The following ZNF469 variants were observed in gnomAD, a reference collection of about 807,000 sequenced individuals.
The protein encoded by ZNF469 is zinc finger protein 469.
A neutral mutation model predicts 1.0 loss-of-function variants in ZNF469; 1 was observed. The ratio of observed to expected loss-of-function variants is 1.00; its 90% CI spans 0.35 to 4.73. ZNF469 has a LOEUF of 4.73. Among genes scored for constraint, ZNF469 ranks in the 30% most tolerant of loss-of-function variants. The pLI is 0.16. For synonymous variants in ZNF469, 2,703 were observed against 2,363.4 expected (o/e 1.14, Z -4.17); for missense variants, 6,100 against 5,356.3 (o/e 1.14, Z -4.33).
At chr16:88,257,317 C>A in the ZNF469 span, among the ~76,000 whole-genome samples, 2 of 143,192 alleles carry the variant, frequency 1.4e-5, no homozygotes, top group African/African-American at 4.9e-5. Context: ...TTTGGTGAGG[C>A]GTCATTTAAG....
At chr16:88,363,499 C>G in the ZNF469 span, among the ~76,000 whole-genome samples, 1 of 152,224 alleles carries the variant, frequency 6.6e-6, no homozygotes, top group East Asian at 1.9e-4. Context: ...GGGGTCTACC[C>G]CATGCATGTG....
At chr16:88,349,774 A>AAC in the ZNF469 span, among the ~76,000 whole-genome samples, 1 of 25,560 alleles carries the variant, frequency 3.9e-5, no homozygotes, top group East Asian at 1.2e-3. Flanking sequence ...AATACACACC[A>AAC]ACACAAGTGC....
At chr16:88,316,545 C>CTTT in the ZNF469 span, among the ~76,000 whole-genome samples, 3 of 101,012 alleles carry the variant, frequency 3.0e-5, no homozygotes, top group African/African-American at 8.4e-5. Flanking sequence ...TAGGTGCTGT[C>CTTT]TTTTTTTTTT....
the ZNF469 span, among the ~76,000 whole-genome samples, chr16:88,146,259 C>T: frequency 5.9e-5 from 9 of 152,226 alleles, no homozygotes; most frequent in African/African-American, 1.4e-4. Flanking sequence ...GTGCTCTGGC[C>T]GTGGCGGGGG....
the ZNF469 span, among the ~76,000 whole-genome samples, chr16:88,291,465 G>A: frequency 5.9e-5 from 9 of 152,332 alleles, no homozygotes; most frequent in East Asian, 1.7e-3. Context: ...AAGTCCTGCT[G>A]CCGGGGAGGC....
the ZNF469 span, among the ~76,000 whole-genome samples, chr16:88,120,131 C>T: frequency 1.3e-5 from 2 of 152,204 alleles, no homozygotes; most frequent in South Asian, 4.1e-4. Context: ...GAGGGGGAGG[C>T]ATCGCCCCTG....
chr16:88,348,383 A>G, the ZNF469 span, among the ~76,000 whole-genome samples: 1 of 151,650 alleles, frequency 6.6e-6, no homozygotes, highest in African/African-American at 2.4e-5. Flanking sequence ...GCCCCACCCC[A>G]CTCCTGTGCG....
chr16:88,340,625 G>A, the ZNF469 span, among the ~76,000 whole-genome samples: 14 of 152,128 alleles, frequency 9.2e-5, no homozygotes, highest in Non-Finnish European at 1.8e-4. Context: ...CTGAGGCCCA[G>A]AGGGAGGAAG....
chr16:88,296,612 G>A, the ZNF469 span, among the ~76,000 whole-genome samples: 21 of 151,354 alleles, frequency 1.4e-4, no homozygotes, highest in Middle Eastern at 3.4e-3. Context: ...TCACAGACAT[G>A]CTCACACTCA....
chr16:88,191,590 C>T, the ZNF469 span: 1 of 152,306 alleles, frequency 6.6e-6, no homozygotes, highest in Non-Finnish European at 1.5e-5. Flanking sequence ...GCCCTGAGGG[C>T]AGGAGAAAAG....
the ZNF469 span, among the ~76,000 whole-genome samples, chr16:88,130,275 C>T: frequency 1.3e-5 from 2 of 152,152 alleles, no homozygotes; most frequent in African/African-American, 4.8e-5. Flanking sequence ...AGAGGTCTCG[C>T]TGTATGCTCT....
the ZNF469 span, among the ~76,000 whole-genome samples, chr16:88,115,933 C>T: frequency 0.051 from 7,735 of 152,308 alleles, 323 homozygotes; most frequent in Admixed American, 0.12. Context: ...GCAAACCCTG[C>T]CCCGCCCATC....
chr16:88,121,175 G>A, the ZNF469 span, among the ~76,000 whole-genome samples: 2 of 20,198 alleles, frequency 9.9e-5, no homozygotes, highest in African/African-American at 3.4e-4. Flanking sequence ...TGTGGGGTGG[G>A]GGTTGGGGGG....
At position 88,430,435 on chromosome 16, in the gene ZNF469, C is replaced by T; in HGVS notation, c.2965C>T (p.Arg989Trp). 2 of 1,512,772 alleles carry T rather than the reference C, an allele frequency of 1.3e-6. No homozygotes were observed. Among genetic ancestry groups the T allele is most frequent in the South Asian group, 1.2e-5 (1 of 81,830 alleles). 93.7% of individuals were successfully genotyped at this position (1,512,772 alleles called of 1,614,324 possible). ...CCGGAGGAACGACGGTCTCGGGGAG[C>T]GGCCCCCACCCCGTCCCCGGCGCCC... ...RPRRNDGLGERPPPRPRRPRT... is the reference protein window; with the variant it reads ...RPRRNDGLGEWPPPRPRRPRT... Residue 989 changes from arginine to tryptophan, a missense_variant, in exon 3 of 3, where the codon CGG becomes TGG. Arg to Trp is a moderately radical substitution (Grantham distance 101). Transcript: ENST00000565624.
chr16:88,211,113 T>A, the ZNF469 span, among the ~76,000 whole-genome samples: 1 of 152,256 alleles, frequency 6.6e-6, no homozygotes, highest in East Asian at 1.9e-4. Flanking sequence ...AAATAGTTTT[T>A]CCCCGCATTC....
the ZNF469 span, among the ~76,000 whole-genome samples, chr16:88,351,305 G>A: frequency 6.6e-6 from 1 of 152,168 alleles, no homozygotes; most frequent in Non-Finnish European, 1.5e-5. Flanking sequence ...GCCATACAAT[G>A]AGGACGTTAA....
At chr16:88,187,653 A>T in the ZNF469 span, among the ~76,000 whole-genome samples, 3 of 151,874 alleles carry the variant, frequency 2.0e-5, no homozygotes, top group African/African-American at 7.3e-5. Context: ...ACGCTGGAAG[A>T]ATCCCAAATG....
intron 1 of ZNF469, among the ~76,000 whole-genome samples, chr16:88,407,508 C>T (rs985549065): frequency 4.6e-5 from 7 of 152,246 alleles, no homozygotes; most frequent in African/African-American, 1.7e-4. Flanking sequence ...AGGTGTCGGA[C>T]ACCGAACGAG....
chr16:88,176,555 C>A, the ZNF469 span, among the ~76,000 whole-genome samples: 8 of 152,230 alleles, frequency 5.3e-5, no homozygotes, highest in African/African-American at 1.4e-4. Context: ...TGGCGGCCTC[C>A]ACACACCACC....
Sources: allele counts gnomAD v4.1 joint callset (sites outside exome capture counted in the v4.1 genomes callset), GRCh38; gene constraint gnomAD v4.1.1; transcripts MANE v1.5; gene names NCBI Gene and HGNC (gene_info 2026-07-23, HGNC 2026-07-21).